Variants in FAM81A observed in about 807,000 individuals in gnomAD.
The protein encoded by FAM81A is protein FAM81A.
In FAM81A, 19 loss-of-function variants were observed where a neutral mutation model predicts 46.7. The observed-to-expected ratio is 0.41, with a 90% CI of 0.28 to 0.60. FAM81A has a LOEUF of 0.60. FAM81A is among the 20% of genes least tolerant of loss of function. FAM81A has a pLI of 0.34. For synonymous variants in FAM81A, 183 were observed against 152.9 expected, an observed-to-expected ratio of 1.20 and a Z score of -1.45; for missense variants, 377 against 453.5, an observed-to-expected ratio of 0.83 and a Z score of 1.53.
At chr15:59,422,814 T>C (rs1474788344) in intron 2 of FAM81A, among the ~76,000 whole-genome samples, 1 of 152,202 alleles carries the variant, frequency 6.6e-6, no homozygotes, top group Admixed American at 6.5e-5. Context: ...CATAGTTAAA[T>C]GAAATCTGCA....
intron 1 of FAM81A, among the ~76,000 whole-genome samples, chr15:59,441,890 C>A (rs1048845875): frequency 3.3e-5 from 5 of 152,214 alleles, no homozygotes; most frequent in African/African-American, 1.2e-4. Flanking sequence ...TCTGAGCCCG[C>A]AGTAGTATTT....
rs913087919 is a variant in FAM81A at position 59,487,188 on chromosome 15, T to A, written c.295-5083T>A. Among the ~76,000 whole-genome samples the A allele has an allele frequency of 2.7e-5, 4 of 146,598 alleles. No homozygotes were observed. In the Admixed American group the frequency reaches 2.7e-4, roughly 10 times the overall value. ...AGCACTCCTGAATATATATATATAT[T>A]TTATATATATATTATATATATATCT... On this transcript the variant is annotated intron_variant, in intron 3 of 8. Transcript: ENST00000288228.
chr15:59,418,119 A>AT (rs1281380547), intron 2 of FAM81A, among the ~76,000 whole-genome samples: 1 of 152,104 alleles, frequency 6.6e-6, no homozygotes, highest in Non-Finnish European at 1.5e-5. Context: ...TTAAAATAGG[A>AT]TTTTTTATCT....
chr15:59,483,921 C>T (rs1477229101), intron 3 of FAM81A, among the ~76,000 whole-genome samples: 2 of 152,142 alleles, frequency 1.3e-5, no homozygotes, highest in African/African-American at 2.4e-5. Context: ...GGGGCGGGCT[C>T]GTTCCCCACT....
chr15:59,446,807 G>A (rs1483781229), intron 1 of FAM81A: 2 of 152,162 alleles, frequency 1.3e-5, no homozygotes, highest in African/African-American at 2.4e-5. Flanking sequence ...TCCCAGCTTT[G>A]ATGAGAGCAC....
rs147189634 is a variant in FAM81A at position 59,475,938 on chromosome 15, A to G, written c.294+15732A>G. ...GTTTAGGCTGCTATGACAAATTACC[A>G]TAGACTGGGTAGCTTAAACAACAGA... On this transcript the variant is annotated intron_variant, in intron 3 of 8. Coordinates refer to ENST00000288228, the MANE Select transcript of FAM81A (RefSeq NM_152450.3). Among the ~76,000 whole-genome samples the G allele has an allele frequency of 9.0e-3, 1,368 of 152,318 alleles. 23 individuals carry two copies. Among genetic ancestry groups the G allele is most frequent in the African/African-American group, 0.031 (1,271 of 41,564 alleles).
intron 3 of FAM81A, among the ~76,000 whole-genome samples, chr15:59,475,159 T>G (rs1197812430): frequency 6.6e-6 from 1 of 152,296 alleles, no homozygotes; most frequent in African/African-American, 2.4e-5. Context: ...CCTTTTTTTT[T>G]TTTGAGACAA....
intron 6 of FAM81A, 149 bp downstream of exon 6, chr15:59,509,118 G>A: frequency 1.6e-6 from 1 of 608,336 alleles, no homozygotes; most frequent in Non-Finnish European, 2.8e-6. Flanking sequence ...GTATCATGTT[G>A]CCACTTTTCC....
chr15:59,521,061 T>C (rs2082322837), intron 8 of FAM81A, among the ~76,000 whole-genome samples, 193 bp from the exon 9 acceptor site: 1 of 152,180 alleles, frequency 6.6e-6, no homozygotes, highest in South Asian at 2.1e-4. Context: ...AGTTCCTTTT[T>C]CCTTTTTGTA....
chr15:59,462,830 G>A (rs1487859419), intron 3 of FAM81A, among the ~76,000 whole-genome samples: 1 of 152,046 alleles, frequency 6.6e-6, no homozygotes, highest in Admixed American at 6.6e-5. Context: ...CCATAATGTA[G>A]CATGTATCAG....
chr15:59,475,129 G>A (rs2141691358), intron 3 of FAM81A, among the ~76,000 whole-genome samples: 1 of 152,010 alleles, frequency 6.6e-6, no homozygotes, highest in South Asian at 2.1e-4. Flanking sequence ...TTAGGCTTTT[G>A]ATAATTATTT....
intron 2 of FAM81A, among the ~76,000 whole-genome samples, chr15:59,428,126 G>GTTTTGA (rs2081203080): frequency 6.6e-6 from 1 of 152,164 alleles, no homozygotes; most frequent in Non-Finnish European, 1.5e-5. Context: ...TCTCACTGTA[G>GTTTTGA]TTTTGATTTG....
chr15:59,449,252 AT>A (rs1256867737), intron 1 of FAM81A, among the ~76,000 whole-genome samples: 6 of 151,888 alleles, frequency 4.0e-5, no homozygotes, highest in East Asian at 1.9e-4. Context: ...TGGTTTACAT[AT>A]TTTTTTTAAG....
chr15:59,509,762 A>G (rs1318920884), intron 6 of FAM81A, among the ~76,000 whole-genome samples: 3 of 152,102 alleles, frequency 2.0e-5, no homozygotes, highest in South Asian at 4.1e-4. Flanking sequence ...ATGAGAATAT[A>G]TGAGGTTGAA....
At chr15:59,441,090 G>T (rs563393966) in intron 1 of FAM81A, among the ~76,000 whole-genome samples, 1 of 152,278 alleles carries the variant, frequency 6.6e-6, no homozygotes, top group Non-Finnish European at 1.5e-5. Flanking sequence ...GGAAGAAAAT[G>T]TCTACAAGTC....
intron 3 of FAM81A, among the ~76,000 whole-genome samples, chr15:59,478,504 T>A (rs1396644835): frequency 6.6e-6 from 1 of 152,144 alleles, no homozygotes; most frequent in Admixed American, 6.5e-5. Flanking sequence ...TCAGTGTGCT[T>A]CCAGTACTGC....
At chr15:59,461,468 T>C (rs1223524374) in intron 3 of FAM81A, among the ~76,000 whole-genome samples, 1 of 152,118 alleles carries the variant, frequency 6.6e-6, no homozygotes, top group Non-Finnish European at 1.5e-5. Flanking sequence ...GTATTTTTAA[T>C]ACTACAAGGT....
In FAM81A at chr15:59,482,024, C is replaced by G. The variant is rs1419460679; in HGVS notation, c.295-10247C>G. On this transcript the variant is annotated intron_variant, in intron 3 of 8. Transcript: ENST00000288228. ...AGCAAAATTGAGCAGAAAGTATACT[C>G]TCTGCTCCCACACATGCGCAGCCTC... Among the ~76,000 whole-genome samples, 7 of 152,032 alleles carry G rather than the reference C, an allele frequency of 4.6e-5. 1 individual carries two copies. Among genetic ancestry groups the G allele is most frequent in the Admixed American group, 2.0e-4 (3 of 15,250 alleles).
intron 2 of FAM81A, among the ~76,000 whole-genome samples, chr15:59,408,566 C>T (rs1360646120): frequency 2.0e-5 from 3 of 152,118 alleles, no homozygotes; most frequent in South Asian, 4.1e-4. Context: ...CTGTGGCTCA[C>T]GCCTGTAATC....
Sources: gnomAD v4.1 joint callset for allele counts (sites outside exome capture counted in the v4.1 genomes callset) on GRCh38, gnomAD v4.1.1 for gene constraint, MANE v1.5 for transcripts, NCBI Gene and HGNC (gene_info 2026-07-23, HGNC 2026-07-21) for gene names.